Variants in CPLX3 observed in about 807,000 individuals in gnomAD.
CPLX3 encodes the protein complexin-3.
In CPLX3, 12 loss-of-function variants were observed where a neutral mutation model predicts 17.2. The ratio of observed to expected loss-of-function variants is 0.70; its 90% CI spans 0.45 to 1.13. CPLX3 has a LOEUF of 1.13. Among genes scored for constraint, CPLX3 ranks in the 50% most tolerant of loss-of-function variants. CPLX3 has a pLI of 0.00. For synonymous variants in CPLX3, 75 were observed against 79.4 expected (o/e 0.94, Z 0.29); for missense variants, 172 against 203.2 (o/e 0.85, Z 0.93).
chr15:74,826,984 G>C lies in CPLX3; in HGVS notation c.164+117G>C. On this transcript the variant is annotated intron_variant, in intron 1 of 2. Transcript: ENST00000395018. The surrounding 1 kb of genome is among the most constrained non-coding windows in gnomAD (Gnocchi z 5.0). ...CCTTCTCCCCTACTTTCCTAGACACGGTAAGAGACCGGGAGGTGTCCTCTA... is the reference window on the plus strand; with the variant it reads ...CCTTCTCCCCTACTTTCCTAGACACCGTAAGAGACCGGGAGGTGTCCTCTA... 1 of 935,562 alleles carries C rather than the reference G, an allele frequency of 1.1e-6. No homozygotes were observed. The highest frequency in any genetic ancestry group is 1.6e-6 in the Non-Finnish European group (1 of 631,022). 58.0% of individuals were successfully genotyped at this position (935,562 alleles called of 1,614,324 possible). A position where few individuals can be genotyped will look rare whatever the true frequency, so the allele number is the denominator to read the frequency against.
In CPLX3 at chr15:74,827,920, C is replaced by T. The variant is rs922784455; in HGVS notation, c.165-114C>T. On this transcript the variant is annotated intron_variant, in intron 1 of 2. Transcript: ENST00000395018. ...CGGGTTGGAGCGCTTTTGCTACACA[C>T]AGGGACCAATGCAGCAGCTGCTAGG... is the stretch of plus-strand genomic sequence containing the variant. 6.2e-5 allele frequency: 52 copies of T among 835,918 alleles called. No homozygotes were observed. The African/African-American group carries it at 6.8e-4, about 11-fold the overall frequency. The allele number at this position is 835,918 out of a possible 1,614,324, so 51.8% of individuals were successfully genotyped here. A position where few individuals can be genotyped will look rare whatever the true frequency, so the allele number is the denominator to read the frequency against.
Position 74,830,640 on chromosome 15 carries a change from T to G in CPLX3, c.*286T>G. ...ATCCCTCTCTGGCCATGGCCCCAAG[T>G]TCCTGCACACAGGAGCACCCACAGA... is the stretch of plus-strand genomic sequence containing the variant. On this transcript the variant is annotated 3_prime_UTR_variant, in exon 3 of 3. Transcript: ENST00000395018. 3 of 384,740 alleles carry G rather than the reference T, an allele frequency of 7.8e-6. No homozygotes were observed. Among genetic ancestry groups the G allele is most frequent in the South Asian group, 2.9e-5 (1 of 33,962 alleles). 23.8% of individuals were successfully genotyped at this position (384,740 alleles called of 1,614,324 possible). A position where few individuals can be genotyped will look rare whatever the true frequency, so the allele number is the denominator to read the frequency against.
intron 2 of CPLX3, 60 bp downstream of exon 2, chr15:74,828,181 T>C: frequency 7.3e-7 from 1 of 1,371,470 alleles, no homozygotes; most frequent in East Asian, 2.5e-5. Flanking sequence ...TCTGGACTCC[T>C]TCGCCCCATT....
chr15:74,828,166 T>G, intron 2 of CPLX3, 45 bp downstream of exon 2: 3 of 1,487,112 alleles, frequency 2.0e-6, no homozygotes, highest in Non-Finnish European at 2.8e-6. Flanking sequence ...CCCTGAGCTC[T>G]GGGTTCTGGA....
At chr15:74,827,053 C>T (rs1338951584) in intron 1 of CPLX3, among the ~76,000 whole-genome samples, 186 bp downstream of exon 1, 1 of 152,094 alleles carries the variant, frequency 6.6e-6, no homozygotes, top group Non-Finnish European at 1.5e-5. Flanking sequence ...AAACCCCGCT[C>T]CAGCATCATG....
chr15:74,828,226 G>A (rs1262544247), intron 2 of CPLX3, 105 bp downstream of exon 2: 3 of 849,806 alleles, frequency 3.5e-6, no homozygotes, highest in Non-Finnish European at 5.9e-6. Context: ...GAGACTCACA[G>A]GGTATTTGGT....
intron 2 of CPLX3, among the ~76,000 whole-genome samples, chr15:74,829,333 AATGGTC>A (rs1318537383): frequency 6.6e-6 from 1 of 152,190 alleles, no homozygotes; most frequent in Non-Finnish European, 1.5e-5. Flanking sequence ...AGTGAAGGGC[AATGGTC>A]ATCGTAGGTG....
intron 2 of CPLX3, among the ~76,000 whole-genome samples, chr15:74,828,392 T>C (rs2063953473): frequency 6.6e-6 from 1 of 152,116 alleles, no homozygotes; most frequent in South Asian, 2.1e-4. Flanking sequence ...GCCTCTTCTC[T>C]CCTCCACCCC....
chr15:74,826,807 A>G lies in CPLX3; in HGVS notation c.104A>G (p.Glu35Gly). 3 of 1,603,780 alleles carry G rather than the reference A, an allele frequency of 1.9e-6. No individual in the cohort carries two copies. Among genetic ancestry groups the G allele is most frequent in the Non-Finnish European group, 2.6e-6 (3 of 1,175,136 alleles). Residue 35 changes from glutamate to glycine, a missense_variant, in exon 1 of 3, where the codon GAA (glutamate) becomes GGA (glycine). Physicochemically the swap from Glu to Gly is moderately conservative, Grantham distance 98. Transcript: ENST00000395018. The surrounding 1 kb of genome is among the most constrained non-coding windows in gnomAD (Gnocchi z 5.0). ...GGAGATGGGGACAAGTCGGCAGCCG[A>G]AGCTCAGGGCATGAGCCGGGAGGAG... ...DKGDGDKSAA[E>G]AQGMSREEYE...
Position 74,830,418 on chromosome 15 carries a change from A to G in CPLX3, c.*64A>G. ...GAGGGCTAAGAGTGTGTCAACTTCC[A>G]GGGACCCATACTCCATTTGGGGCTT... On this transcript the variant is annotated 3_prime_UTR_variant, in exon 3 of 3. Coordinates refer to ENST00000395018, the MANE Select transcript of CPLX3 (RefSeq NM_001030005.3). The G allele has an allele frequency of 7.4e-7, 1 of 1,345,406 alleles. No individual in the cohort carries two copies. The highest frequency in any genetic ancestry group is 1.0e-6 in the Non-Finnish European group (1 of 962,268). 83.3% of individuals were successfully genotyped at this position (1,345,406 alleles called of 1,614,324 possible). A position where few individuals can be genotyped will look rare whatever the true frequency, so the allele number is the denominator to read the frequency against.
At chr15:74,828,986 G>A (rs1567227213) in intron 2 of CPLX3, among the ~76,000 whole-genome samples, 1 of 152,172 alleles carries the variant, frequency 6.6e-6, no homozygotes, top group Non-Finnish European at 1.5e-5. Flanking sequence ...GGACTCAGGG[G>A]AAAACAGCAC....
chr15:74,826,701 A>C lies in CPLX3; in HGVS notation c.-3A>C. 3.1e-6 allele frequency: 5 copies of C among 1,606,408 alleles called. No individual in the cohort carries two copies. The highest frequency in any genetic ancestry group is 4.2e-6 in the Non-Finnish European group (5 of 1,176,796). ...GCGCCCGGTGCCCCGGCCGGCGAAG[A>C]CCATGGCGTTCATGGTGAAGACCAT... On this transcript the variant is annotated 5_prime_UTR_variant, in exon 1 of 3. Transcript: ENST00000395018. This position sits in a 1 kb window ranked among gnomAD's most constrained non-coding sequence, Gnocchi z 5.0.
chr15:74,830,016 A>G, intron 2 of CPLX3, 114 bp from the exon 3 acceptor site: 1 of 748,774 alleles, frequency 1.3e-6, no homozygotes, highest in Non-Finnish European at 2.2e-6. Flanking sequence ...AAAAAAAAGA[A>G]AAAATAGAAT....
rs780901157 is a variant in CPLX3, at chr15:74,830,210, G to A, written c.333G>A (p.Glu111=). ...LPRELAKMIE[E]DTEEEEEKAS... ...GGGAGCTGGCCAAGATGATCGAGGA[G>A]GACACAGAGGAGGAGGAGGAGAAGG... Residue 111 remains glutamate, a synonymous_variant, in exon 3 of 3, where the codon GAG becomes GAA. Coordinates refer to ENST00000395018, the MANE Select transcript of CPLX3 (RefSeq NM_001030005.3). 1.2e-6 allele frequency: 2 copies of A among 1,613,984 alleles called. No homozygotes were observed. The highest frequency in any genetic ancestry group is 1.7e-4 in the Middle Eastern group (1 of 5,928).
chr15:74,826,966 C>T lies in CPLX3; in HGVS notation c.164+99C>T, dbSNP rs2063946270. 1 of 1,099,808 alleles carries T rather than the reference C, an allele frequency of 9.1e-7. No homozygotes were observed. The highest frequency in any genetic ancestry group is 1.4e-5 in the South Asian group (1 of 70,040). The allele number at this position is 1,099,808 out of a possible 1,614,324, so 68.1% of individuals were successfully genotyped here. A position where few individuals can be genotyped will look rare whatever the true frequency, so the allele number is the denominator to read the frequency against. On this transcript the variant is annotated intron_variant, in intron 1 of 2. Transcript: ENST00000395018. This position sits in a 1 kb window ranked among gnomAD's most constrained non-coding sequence, Gnocchi z 5.0. ...CAGCCTCAGGTCCCAATCCCTTCTC[C>T]CCTACTTTCCTAGACACGGTAAGAG...
At position 74,826,866 on chromosome 15, in the gene CPLX3, A is replaced by G; in HGVS notation, c.163A>G (p.Lys55Glu). 1 of 1,596,236 alleles carries G rather than the reference A, an allele frequency of 6.3e-7. No homozygotes were observed. Among genetic ancestry groups the G allele is most frequent in the Non-Finnish European group, 8.5e-7 (1 of 1,171,566 alleles). Residue 55 changes from lysine to glutamate, a missense_variant and splice_region_variant, in exon 1 of 3, where the codon AAG (lysine) becomes GAG (glutamate). By Grantham distance (56) the Lys-to-Glu change is moderately conservative. Coordinates refer to ENST00000395018, the MANE Select transcript of CPLX3 (RefSeq NM_001030005.3). The surrounding 1 kb of genome is among the most constrained non-coding windows in gnomAD (Gnocchi z 5.0). ...EEYQKQLVEE[K>E]MERDAQFTQR... Reference sequence around the variant, plus strand: ...GTATCAGAAGCAACTCGTGGAAGAGAAGTGAGTGGGATCCCTTCCTGGCTC... The same window carrying G: ...GTATCAGAAGCAACTCGTGGAAGAGGAGTGAGTGGGATCCCTTCCTGGCTC...
At position 74,826,958 on chromosome 15, in the gene CPLX3, C is replaced by T; in HGVS notation, c.164+91C>T. On this transcript the variant is annotated intron_variant, in intron 1 of 2. Coordinates refer to ENST00000395018, the MANE Select transcript of CPLX3 (RefSeq NM_001030005.3). This position sits in a 1 kb window ranked among gnomAD's most constrained non-coding sequence, Gnocchi z 5.0. The stretch of plus-strand genomic sequence containing the variant: ...CCCCGGGCCAGCCTCAGGTCCCAAT[C>T]CCTTCTCCCCTACTTTCCTAGACAC... 1.7e-6 allele frequency: 2 copies of T among 1,154,426 alleles called. No homozygotes were observed. Among genetic ancestry groups the T allele is most frequent in the East Asian group, 2.9e-5 (1 of 34,664 alleles). 71.5% of individuals were successfully genotyped at this position (1,154,426 alleles called of 1,614,324 possible). A position where few individuals can be genotyped will look rare whatever the true frequency, so the allele number is the denominator to read the frequency against.
intron 1 of CPLX3, among the ~76,000 whole-genome samples, chr15:74,827,428 G>A (rs1051436315): frequency 2.6e-5 from 4 of 152,220 alleles, no homozygotes; most frequent in Non-Finnish European, 4.4e-5. Context: ...ACCTTTCTGT[G>A]CCTCTGTTTC....
rs1596381907 is a variant in CPLX3 at position 74,826,664 on chromosome 15, G to C, written c.-40G>C. The stretch of plus-strand genomic sequence containing the variant: ...GGCGCGGACGTGCCCGGTGCCTGGC[G>C]CGTGGTAGCAGGCGCCCGGTGCCCC... On this transcript the variant is annotated 5_prime_UTR_variant, in exon 1 of 3. Coordinates refer to ENST00000395018, the MANE Select transcript of CPLX3 (RefSeq NM_001030005.3). The surrounding 1 kb of genome is among the most constrained non-coding windows in gnomAD (Gnocchi z 5.0). The C allele has an allele frequency of 1.3e-6, 2 of 1,590,120 alleles. No homozygotes were observed. The highest frequency in any genetic ancestry group is 4.8e-5 in the East Asian group (2 of 41,456).
Sources: gnomAD v4.1 joint callset for allele counts (sites outside exome capture counted in the v4.1 genomes callset) on GRCh38, gnomAD v4.1.1 for gene constraint, Gnocchi (gnomAD v3.1) non-coding constraint, MANE v1.5 for transcripts, NCBI Gene and HGNC (gene_info 2026-07-23, HGNC 2026-07-21) for gene names.